The following SGCZ variants were observed in gnomAD, a reference collection of about 807,000 sequenced individuals.
The protein encoded by SGCZ is sarcoglycan zeta.
SGCZ carries 40 observed loss-of-function variants against 41.3 expected under a neutral mutation model. The ratio of observed to expected loss-of-function variants is 0.97; its 90% CI spans 0.75 to 1.26. The LOEUF is 1.26. Among genes scored for constraint, SGCZ ranks in the 50% most tolerant of loss-of-function variants. The probability of loss-of-function intolerance (pLI) is 0.00; values close to 1 mark genes in which losing one functional copy is unlikely to be tolerated. For synonymous variants in SGCZ, 206 were observed against 137.5 expected (o/e 1.50, Z -3.49); for missense variants, 552 against 369.8 (o/e 1.49, Z -4.04).
intron 1 of SGCZ, among the ~76,000 whole-genome samples, chr8:14,612,471 C>T (rs1805960955): frequency 6.6e-6 from 1 of 152,148 alleles, no homozygotes; most frequent in African/African-American, 2.4e-5. Context: ...CCCTTTATAA[C>T]TTACCCAGAC....
intron 1 of SGCZ, among the ~76,000 whole-genome samples, chr8:14,739,071 G>A (rs1799127787): frequency 6.6e-6 from 1 of 151,982 alleles, no homozygotes; most frequent in African/African-American, 2.4e-5. Context: ...CTGTTCCCCT[G>A]AAAACATTTA....
chr8:14,330,138 T>C (rs1230864384), intron 2 of SGCZ, among the ~76,000 whole-genome samples: 2 of 152,174 alleles, frequency 1.3e-5, no homozygotes, highest in Non-Finnish European at 2.9e-5. Flanking sequence ...TCTTATAAAA[T>C]GTATCATATT....
intron 1 of SGCZ, among the ~76,000 whole-genome samples, chr8:14,972,937 T>C (rs74888154): frequency 0.03 from 4,595 of 152,312 alleles, 111 homozygotes; most frequent in Non-Finnish European, 0.045. Flanking sequence ...CCAGAGGTCA[T>C]CCCTTTGTGT....
intron 1 of SGCZ, among the ~76,000 whole-genome samples, chr8:14,788,038 G>A (rs1447998277): frequency 6.6e-6 from 1 of 152,046 alleles, no homozygotes; most frequent in South Asian, 2.1e-4. Flanking sequence ...TTCCAAAAAT[G>A]TTGCTAGATT....
chr8:14,649,925 A>C (rs920471012), intron 1 of SGCZ, among the ~76,000 whole-genome samples: 1 of 152,024 alleles, frequency 6.6e-6, no homozygotes, highest in Non-Finnish European at 1.5e-5. Context: ...CCACAAGAGA[A>C]AGTTTGTATG....
intron 3 of SGCZ, among the ~76,000 whole-genome samples, chr8:14,285,214 T>G (rs989934702): frequency 2.0e-4 from 30 of 152,274 alleles, no homozygotes; most frequent in African/African-American, 7.2e-4. Flanking sequence ...ATAAAATATA[T>G]GTGTCATTTC....
In SGCZ at chr8:15,179,536, C is replaced by T. The variant is rs137909550; in HGVS notation, c.39+58049G>A. 2.8e-4 allele frequency among the ~76,000 whole-genome samples: 43 copies of T among 152,158 alleles called. No homozygotes were observed. The East Asian group carries it at 2.9e-3, about 10-fold the overall frequency. On this transcript the variant is annotated intron_variant, in intron 1 of 7. Coordinates refer to ENST00000382080, the MANE Select transcript of SGCZ (RefSeq NM_139167.4). ...GAAACCAAAAATAACAAGTAATTTT[C>T]GTTGTTTCAGTAATGTGAATAGTTT...
chr8:14,949,290 C>A (rs1237468109), intron 1 of SGCZ, among the ~76,000 whole-genome samples: 1 of 152,068 alleles, frequency 6.6e-6, no homozygotes, highest in Non-Finnish European at 1.5e-5. Context: ...TGATAAGATT[C>A]TCTAGGGAAA....
intron 1 of SGCZ, among the ~76,000 whole-genome samples, chr8:15,022,851 T>C (rs1417701343): frequency 9.9e-5 from 15 of 152,234 alleles, no homozygotes; most frequent in Non-Finnish European, 1.9e-4. Context: ...ATTACTATTT[T>C]CTACATTTCA....
chr8:14,291,884 A>G (rs1034697565), intron 3 of SGCZ, among the ~76,000 whole-genome samples: 2 of 151,938 alleles, frequency 1.3e-5, no homozygotes, highest in Non-Finnish European at 2.9e-5. Flanking sequence ...CAAAAACAGA[A>G]ATTTTACTCT....
chr8:15,030,204 G>T (rs867510228), intron 1 of SGCZ, among the ~76,000 whole-genome samples: 1 of 152,122 alleles, frequency 6.6e-6, no homozygotes, highest in Non-Finnish European at 1.5e-5. Context: ...TGATTCATAA[G>T]GGGTTATCTA....
chr8:14,126,741 C>T (rs1802872957), intron 5 of SGCZ, among the ~76,000 whole-genome samples: 2 of 152,114 alleles, frequency 1.3e-5, no homozygotes, highest in African/African-American at 4.8e-5. Flanking sequence ...ACCCAAATGC[C>T]CATCAGTCAT....
intron 2 of SGCZ, among the ~76,000 whole-genome samples, chr8:14,530,352 T>A (rs1447871184): frequency 6.6e-6 from 1 of 152,196 alleles, no homozygotes; most frequent in East Asian, 1.9e-4. Flanking sequence ...AAACAAACAA[T>A]AACACTATTA....
intron 1 of SGCZ, among the ~76,000 whole-genome samples, chr8:14,897,963 G>T (rs560875152): frequency 6.6e-6 from 1 of 152,072 alleles, no homozygotes; most frequent in South Asian, 2.1e-4. Context: ...CCCTAATAAG[G>T]CTTGTATTTT....
intron 2 of SGCZ, among the ~76,000 whole-genome samples, chr8:14,348,817 C>T (rs1390207679): frequency 1.3e-5 from 2 of 152,086 alleles, no homozygotes; most frequent in South Asian, 2.1e-4. Flanking sequence ...TTTTTCTCAA[C>T]CAAATACATT....
intron 1 of SGCZ, among the ~76,000 whole-genome samples, chr8:14,906,452 A>T (rs992547305): frequency 6.6e-6 from 1 of 152,130 alleles, no homozygotes; most frequent in African/African-American, 2.4e-5. Context: ...AAAATTCTCA[A>T]CTTCTGTAGT....
chr8:14,303,724 A>C (rs1559901), intron 3 of SGCZ, among the ~76,000 whole-genome samples: 122,912 of 151,840 alleles, frequency 0.81, 50,599 homozygotes, highest in South Asian at 0.89. Flanking sequence ...ATCTCTCTCT[A>C]TATATATATA....
chr8:14,856,839 C>T (rs1803559278), intron 1 of SGCZ, among the ~76,000 whole-genome samples: 1 of 152,078 alleles, frequency 6.6e-6, no homozygotes, highest in South Asian at 2.1e-4. Context: ...AAAAGCAAAC[C>T]ATACCTCACT....
intron 1 of SGCZ, among the ~76,000 whole-genome samples, chr8:14,826,833 A>C (rs1802341400): frequency 6.6e-6 from 1 of 152,178 alleles, no homozygotes. Flanking sequence ...TCTGAATATT[A>C]GCCTTTTCTC....
Sources: allele counts gnomAD v4.1 joint callset (sites outside exome capture counted in the v4.1 genomes callset), GRCh38; gene constraint gnomAD v4.1.1; transcripts MANE v1.5; gene names NCBI Gene and HGNC (gene_info 2026-07-23, HGNC 2026-07-21).